The following SRBD1 variants were observed in gnomAD, a reference collection of about 807,000 sequenced individuals.
SRBD1 encodes the protein S1 RNA-binding domain-containing protein 1.
In SRBD1, 88 loss-of-function variants were observed where a neutral mutation model predicts 115.3. The ratio of observed to expected loss-of-function variants is 0.76; its 90% CI spans 0.64 to 0.91. The LOEUF is 0.91. SRBD1 is among the 40% of genes least tolerant of loss of function. SRBD1 has a pLI of 0.00. For missense variants in SRBD1, 1,385 were observed against 1,177.4 expected, an observed-to-expected ratio of 1.18 and a Z score of -2.58; for synonymous variants, 509 against 407.7, an observed-to-expected ratio of 1.25 and a Z score of -2.99.
intron 14 of SRBD1, among the ~76,000 whole-genome samples, chr2:45,535,564 A>C (rs1671740378): frequency 6.6e-6 from 1 of 152,010 alleles, no homozygotes. Context: ...CTCAACAATT[A>C]CCAATAGTGG....
intron 14 of SRBD1, among the ~76,000 whole-genome samples, chr2:45,495,441 T>G (rs181693938): frequency 3.5e-4 from 53 of 152,290 alleles, no homozygotes; most frequent in African/African-American, 1.2e-3. Flanking sequence ...AAGCAGAAAT[T>G]GTTTCCCCTT....
chr2:45,434,432 T>C (rs928374949), intron 16 of SRBD1, among the ~76,000 whole-genome samples: 2 of 152,196 alleles, frequency 1.3e-5, no homozygotes, highest in Non-Finnish European at 1.5e-5. Flanking sequence ...CCAGCCCTCA[T>C]TGGATCTTGG....
chr2:45,602,514 T>G (rs1017025103), intron 2 of SRBD1, among the ~76,000 whole-genome samples: 2 of 152,196 alleles, frequency 1.3e-5, no homozygotes, highest in African/African-American at 4.8e-5. Flanking sequence ...TTCAAATCAA[T>G]GAAAGGATTG....
At chr2:45,392,878 G>A in intron 20 of SRBD1, 67 bp downstream of exon 20, 1 of 1,395,832 alleles carries the variant, frequency 7.2e-7, no homozygotes, top group Non-Finnish European at 9.7e-7. Flanking sequence ...GGATTGCTGT[G>A]AGGATCAAAG....
chr2:45,439,209 C>CA (rs1668588128), intron 16 of SRBD1, among the ~76,000 whole-genome samples: 1 of 151,580 alleles, frequency 6.6e-6, no homozygotes, highest in African/African-American at 2.4e-5. Flanking sequence ...ACCTACACTA[C>CA]AAAAAAATTT....
chr2:45,457,253 T>C (rs905163545), intron 16 of SRBD1, among the ~76,000 whole-genome samples: 4 of 151,940 alleles, frequency 2.6e-5, no homozygotes, highest in African/African-American at 9.7e-5. Flanking sequence ...CCACACAGAT[T>C]TGGGAAGCTA....
rs368784607 is a variant in SRBD1, at chr2:45,573,866, A to T, written c.1170-524T>A. On this transcript the variant is annotated intron_variant, in intron 8 of 20. Transcript: ENST00000263736. ...CCTGCTGGAGCCACTGAGAAAATAC[A>T]AAAGTTCTTTCTAGCAACAGTAGTC... is the stretch of plus-strand genomic sequence containing the variant. 1.1e-4 allele frequency among the ~76,000 whole-genome samples: 16 copies of T among 152,332 alleles called. No individual in the cohort carries two copies. The East Asian group carries it at 2.3e-3, about 22-fold the overall frequency.
intron 4 of SRBD1, among the ~76,000 whole-genome samples, chr2:45,593,575 A>C (rs1673791355): frequency 6.6e-6 from 1 of 152,224 alleles, no homozygotes; most frequent in South Asian, 2.1e-4. Context: ...TTAAAAAGAA[A>C]ACATCTTGGC....
At chr2:45,596,952 C>CACACACA (rs767418953) in intron 4 of SRBD1, among the ~76,000 whole-genome samples, 2 of 90,478 alleles carry the variant, frequency 2.2e-5, no homozygotes, top group Non-Finnish European at 5.1e-5. Flanking sequence ...ACACACACAC[C>CACACACA]CACAACCCTA....
rs756173295 is a variant in SRBD1 at position 45,419,677 on chromosome 2, C to A, written c.2156+111G>T. 4.9e-6 allele frequency: 4 copies of A among 823,854 alleles called. No homozygotes were observed. In the African/African-American group the frequency reaches 6.7e-5, roughly 14 times the overall value. The allele number at this position is 823,854 out of a possible 1,614,324, so 51.0% of individuals were successfully genotyped here. On this transcript the variant is annotated intron_variant, in intron 17 of 20. Coordinates refer to ENST00000263736, the MANE Select transcript of SRBD1 (RefSeq NM_018079.5). The stretch of plus-strand genomic sequence containing the variant: ...TTAAAGCAATGTATAAACCCATAGA[C>A]GTTCTCTACTTGACAACTTTATACA...
At chr2:45,512,808 G>C (rs768587864) in intron 14 of SRBD1, among the ~76,000 whole-genome samples, 2 of 152,068 alleles carry the variant, frequency 1.3e-5, no homozygotes, top group Non-Finnish European at 2.9e-5. Context: ...TTTGGAATTT[G>C]TGTAAGTGAA....
chr2:45,507,090 T>C (rs1670822277), intron 14 of SRBD1, among the ~76,000 whole-genome samples: 1 of 152,138 alleles, frequency 6.6e-6, no homozygotes, highest in Non-Finnish European at 1.5e-5. Context: ...AAAAACGAGG[T>C]CTGATGCTGT....
chr2:45,506,623 T>C (rs1670806718), intron 14 of SRBD1, among the ~76,000 whole-genome samples: 1 of 152,190 alleles, frequency 6.6e-6, no homozygotes, highest in African/African-American at 2.4e-5. Flanking sequence ...AGCTAGCAAG[T>C]ACTATTCTTA....
In SRBD1 at chr2:45,528,714, A is replaced by G. The variant is rs540859675; in HGVS notation, c.1874+18018T>C. 2.6e-5 allele frequency among the ~76,000 whole-genome samples: 4 copies of G among 151,890 alleles called. No individual in the cohort carries two copies. The South Asian group carries it at 8.3e-4, about 31-fold the overall frequency. On this transcript the variant is annotated intron_variant, in intron 14 of 20. Coordinates refer to ENST00000263736, the MANE Select transcript of SRBD1 (RefSeq NM_018079.5). ...GAGATTATCAAGGAAAAGAAGATAT[A>G]CAGAGAAGACAAAGCGGGTGAGGAA...
chr2:45,406,871 T>G (rs1056732594), intron 19 of SRBD1, among the ~76,000 whole-genome samples: 4 of 152,100 alleles, frequency 2.6e-5, no homozygotes, highest in African/African-American at 9.7e-5. Context: ...ATATTCCAGA[T>G]ACTTTTTTTT....
At chr2:45,451,584 T>A (rs963671745) in intron 16 of SRBD1, among the ~76,000 whole-genome samples, 1 of 151,954 alleles carries the variant, frequency 6.6e-6, no homozygotes, top group Non-Finnish European at 1.5e-5. Context: ...GCATACAGTA[T>A]CTTCAGAGAC....
chr2:45,565,932 C>T (rs530565149), intron 9 of SRBD1, among the ~76,000 whole-genome samples: 31 of 152,190 alleles, frequency 2.0e-4, no homozygotes, highest in African/African-American at 7.2e-4. Context: ...GGCCACAACC[C>T]AATTTAAAAT....
At chr2:45,571,348 C>CA in intron 9 of SRBD1, among the ~76,000 whole-genome samples, 1 of 151,582 alleles carries the variant, frequency 6.6e-6, no homozygotes, top group Non-Finnish European at 1.5e-5. Context: ...ACTAAGCTAA[C>CA]AAGGGAGACC....
chr2:45,585,071 G>T (rs1323737065), intron 5 of SRBD1, among the ~76,000 whole-genome samples: 1 of 151,828 alleles, frequency 6.6e-6, no homozygotes, highest in African/African-American at 2.4e-5. Flanking sequence ...AGTCGCCTGA[G>T]CCTGGGATAC....
Sources: allele counts gnomAD v4.1 joint callset (sites outside exome capture counted in the v4.1 genomes callset), GRCh38; gene constraint gnomAD v4.1.1; transcripts MANE v1.5; gene names NCBI Gene and HGNC (gene_info 2026-07-23, HGNC 2026-07-21).